Variants in DNM2 observed in about 807,000 individuals in gnomAD.
The protein encoded by DNM2 is dynamin-2.
A neutral mutation model predicts 99.0 loss-of-function variants in DNM2; 15 were observed. The observed-to-expected ratio is 0.15, with a 90% CI of 0.10 to 0.23. The LOEUF (loss-of-function observed/expected upper bound fraction) is 0.23. Ranked by LOEUF, DNM2 falls within the 10% of genes least tolerant of loss-of-function variation. The pLI is 1.00. For synonymous variants in DNM2, 525 were observed against 481.2 expected (o/e 1.09, Z -1.19); for missense variants, 742 against 1,189.4 (o/e 0.62, Z 5.53).
chr19:10,756,843 C>T (rs1231000015), intron 1 of DNM2, among the ~76,000 whole-genome samples: 1 of 152,092 alleles, frequency 6.6e-6, no homozygotes, highest in Non-Finnish European at 1.5e-5. Context: ...GTCCACTGGC[C>T]TCCGTACCCC....
chr19:10,789,892 T>C (rs762962471), intron 7 of DNM2, among the ~76,000 whole-genome samples: 67 of 152,328 alleles, frequency 4.4e-4, no homozygotes, highest in Middle Eastern at 3.4e-3. Context: ...GTTAAGCCTA[T>C]GGCAGGACTG....
At chr19:10,778,231 C>A (rs1222139406) in intron 5 of DNM2, among the ~76,000 whole-genome samples, 1 of 151,660 alleles carries the variant, frequency 6.6e-6, no homozygotes, top group African/African-American at 2.4e-5. Context: ...GACAGGGTTT[C>A]ACCATGTTGG....
Position 10,811,981 on chromosome 19 carries a change from C to A in DNM2, c.1558-283C>A. 2.1e-6 allele frequency: 1 copy of A among 478,340 alleles called. No homozygotes were observed. Among genetic ancestry groups the A allele is most frequent in the Non-Finnish European group, 4.1e-6 (1 of 241,724 alleles). The allele number at this position is 478,340 out of a possible 1,614,324, so 29.6% of individuals were successfully genotyped here. A position where few individuals can be genotyped will look rare whatever the true frequency, so the allele number is the denominator to read the frequency against. Reference sequence around the variant, plus strand: ...GCCCCACACACAAGCCCCAGGGACTCCTCCCATGGGCCCCTTTCCATCAGG... The same window carrying A: ...GCCCCACACACAAGCCCCAGGGACTACTCCCATGGGCCCCTTTCCATCAGG... On this transcript the variant is annotated intron_variant, in intron 14 of 20. Transcript: ENST00000389253. The surrounding 1 kb of genome is among the most constrained non-coding windows in gnomAD (Gnocchi z 5.4).
intron 1 of DNM2, among the ~76,000 whole-genome samples, chr19:10,751,493 G>T (rs973683278): frequency 6.6e-6 from 1 of 152,158 alleles, no homozygotes; most frequent in African/African-American, 2.4e-5. Context: ...CTTGGGAGGT[G>T]GTTTCTGGAA....
intron 11 of DNM2, among the ~76,000 whole-genome samples, chr19:10,799,955 C>A (rs1293364942): frequency 6.6e-6 from 1 of 152,208 alleles, no homozygotes; most frequent in Non-Finnish European, 1.5e-5. Context: ...TCCTTATACT[C>A]TCCTGCAGCC....
intron 2 of DNM2, among the ~76,000 whole-genome samples, chr19:10,766,643 C>T (rs2070806305): frequency 6.6e-6 from 1 of 152,084 alleles, no homozygotes; most frequent in Non-Finnish European, 1.5e-5. Flanking sequence ...CACACCAAGT[C>T]TCTGCTCTCT....
At chr19:10,756,168 G>T (rs559904346) in intron 1 of DNM2, among the ~76,000 whole-genome samples, 13 of 152,060 alleles carry the variant, frequency 8.5e-5, no homozygotes, top group South Asian at 2.1e-4. Flanking sequence ...GGTGACTTTG[G>T]GGTCTGTCAC....
intron 1 of DNM2, among the ~76,000 whole-genome samples, chr19:10,749,624 G>A (rs1334148591): frequency 6.6e-6 from 1 of 152,244 alleles, no homozygotes; most frequent in African/African-American, 2.4e-5. Flanking sequence ...GCCCAGGAGG[G>A]GCGGAGCTCG....
At chr19:10,798,122 G>A (rs556560381) in intron 10 of DNM2, among the ~76,000 whole-genome samples, 14 of 152,302 alleles carry the variant, frequency 9.2e-5, no homozygotes, top group Admixed American at 2.0e-4. Context: ...ACTCACTCAC[G>A]CTGGCGAGGC....
chr19:10,798,785 G>A (rs562795093), intron 11 of DNM2, among the ~76,000 whole-genome samples: 7 of 150,618 alleles, frequency 4.6e-5, no homozygotes, highest in South Asian at 4.2e-4. Flanking sequence ...GATACAGAGC[G>A]GTTCCGTCAC....
rs1413614361 is a variant in DNM2, at chr19:10,830,202, A to T, written c.2367A>T (p.Pro789=). The change falls in exon 20 of 21, where the codon CCA becomes CCT. Residue 789 remains proline (P), a synonymous_variant. Transcript: ENST00000389253. The surrounding 1 kb of genome is among the most constrained non-coding windows in gnomAD (Gnocchi z 4.8). ...GRPPAVRGPT[P]GPPLIPVPVG... is the part of the protein sequence containing the mutation. ...CCCCAGCAGTGAGGGGCCCCACTCC[A>T]GGGCCCCCCCTGATTCCTGTTCCCG... is the stretch of plus-strand genomic sequence containing the variant. 1 of 1,613,126 alleles carries T rather than the reference A, an allele frequency of 6.2e-7. No homozygotes were observed. Among genetic ancestry groups the T allele is most frequent in the African/African-American group, 1.3e-5 (1 of 74,770 alleles).
In DNM2 at chr19:10,812,993, G is replaced by A. The variant is rs1019718327; in HGVS notation, c.1671+616G>A. ...TGTGACTGCCCCGTGCTCAAGAGAA[G>A]GGGCCATGCCCAAGGGTCAGGGGCT... On this transcript the variant is annotated intron_variant, in intron 15 of 20. Transcript: ENST00000389253. This position sits in a 1 kb window ranked among gnomAD's most constrained non-coding sequence, Gnocchi z 4.0. Among the ~76,000 whole-genome samples the A allele has an allele frequency of 2.6e-5, 4 of 152,236 alleles. No individual in the cohort carries two copies. The highest frequency in any genetic ancestry group is 4.4e-5 in the Non-Finnish European group (3 of 68,030).
chr19:10,814,238 A>G (rs1774481092), intron 15 of DNM2, among the ~76,000 whole-genome samples: 1 of 152,162 alleles, frequency 6.6e-6, no homozygotes, highest in African/African-American at 2.4e-5. Flanking sequence ...GCCAAGGCAG[A>G]CAGATCACTT....
intron 1 of DNM2, among the ~76,000 whole-genome samples, chr19:10,747,884 A>G (rs2145797555): frequency 6.6e-6 from 1 of 152,140 alleles, no homozygotes; most frequent in East Asian, 1.9e-4. Context: ...GGGAGGGTGC[A>G]GTTTGCTGGG....
intron 12 of DNM2, chr19:10,803,786 C>G (rs1267597443): frequency 1.3e-6 from 1 of 760,064 alleles, no homozygotes; most frequent in Non-Finnish European, 1.6e-6. Context: ...ACGGGGTGCT[C>G]TCTCAGAGCC....
chr19:10,748,219 G>A (rs2070063714), intron 1 of DNM2, among the ~76,000 whole-genome samples: 1 of 152,190 alleles, frequency 6.6e-6, no homozygotes, highest in Admixed American at 6.5e-5. Context: ...TTTGTGGGAG[G>A]CAGATTGTGG....
chr19:10,760,589 C>G (rs58601282), intron 2 of DNM2, among the ~76,000 whole-genome samples: 3 of 152,122 alleles, frequency 2.0e-5, no homozygotes, highest in African/African-American at 7.2e-5. Context: ...TATAGCTGCT[C>G]TGCTCAATCC....
chr19:10,797,696 C>T (rs1309749539), intron 10 of DNM2, among the ~76,000 whole-genome samples, 178 bp downstream of exon 10: 1 of 152,178 alleles, frequency 6.6e-6, no homozygotes, highest in Non-Finnish European at 1.5e-5. Context: ...TGGCATCACA[C>T]GTGGGTTGTG....
At position 10,830,143 on chromosome 19, in the gene DNM2, C is replaced by A; in HGVS notation, c.2308C>A (p.Arg770=). ...TCCTCACAGCCCCACTCCACAGCGC[C>A]GACCGGTGTCCAGCATACACCCCCC... The part of the protein sequence containing the change: ...ASSHSPTPQR[R]PVSSIHPPGR... Residue 770 remains arginine, a synonymous_variant, in exon 20 of 21, where the codon CGA becomes AGA. Transcript: ENST00000389253. This position sits in a 1 kb window ranked among gnomAD's most constrained non-coding sequence, Gnocchi z 4.8. 4.3e-6 allele frequency: 7 copies of A among 1,613,850 alleles called. No homozygotes were observed. Among genetic ancestry groups the A allele is most frequent in the Non-Finnish European group, 5.9e-6 (7 of 1,179,834 alleles).
Sources: allele counts gnomAD v4.1 joint callset (sites outside exome capture counted in the v4.1 genomes callset), GRCh38; gene constraint gnomAD v4.1.1; non-coding constraint Gnocchi (gnomAD v3.1); transcripts MANE v1.5; gene names NCBI Gene and HGNC (gene_info 2026-07-23, HGNC 2026-07-21).